Variants in CAMKMT observed in about 807,000 individuals in gnomAD.
The protein encoded by CAMKMT is CaM KMT.
Under a neutral mutation model 48.0 loss-of-function variants are expected in CAMKMT, and 53 were observed. The observed-to-expected ratio is 1.10, with a 90% CI of 0.89 to 1.39. The LOEUF (loss-of-function observed/expected upper bound fraction) is 1.39, where lower values mean the gene tolerates loss of function less well. Among genes scored for constraint, CAMKMT ranks in the 40% most tolerant of loss-of-function variants. The probability of loss-of-function intolerance (pLI) is 0.00; values close to 1 mark genes in which losing one functional copy is unlikely to be tolerated. For synonymous variants in CAMKMT, 165 were observed against 152.3 expected (o/e 1.08, Z -0.61); for missense variants, 428 against 402.7 (o/e 1.06, Z -0.54).
chr2:44,604,719 A>G (rs1271542968), intron 3 of CAMKMT, among the ~76,000 whole-genome samples: 1 of 152,050 alleles, frequency 6.6e-6, no homozygotes, highest in Non-Finnish European at 1.5e-5. Flanking sequence ...TTTCCACTCT[A>G]TGCTTAGAAG....
chr2:44,765,431 A>G (rs1257091109), intron 9 of CAMKMT, among the ~76,000 whole-genome samples: 3 of 152,150 alleles, frequency 2.0e-5, no homozygotes, highest in African/African-American at 7.2e-5. Flanking sequence ...AAACTCAGAT[A>G]TATTTTCATG....
Position 44,392,327 on chromosome 2 carries a change from G to T in CAMKMT, c.376+2022G>T, listed in dbSNP as rs529290105. Among the ~76,000 whole-genome samples, 566 of 152,034 alleles carry T rather than the reference G, an allele frequency of 3.7e-3. 2 individuals carry two copies. Among genetic ancestry groups the T allele is most frequent in the African/African-American group, 0.013 (539 of 41,512 alleles). ...ATATGTTGTTTTGTGTACCTTTTAT[G>T]TTTACTTTTTATTTTAACAGAAAAA... On this transcript the variant is annotated intron_variant, in intron 3 of 10. Coordinates refer to ENST00000378494, the MANE Select transcript of CAMKMT (RefSeq NM_024766.5).
chr2:44,454,149 C>T (rs1404680545), intron 3 of CAMKMT, among the ~76,000 whole-genome samples: 2 of 152,046 alleles, frequency 1.3e-5, no homozygotes, highest in Non-Finnish European at 2.9e-5. Flanking sequence ...ATATTTTTAA[C>T]TCATACTATG....
chr2:44,385,846 C>CT, intron 2 of CAMKMT, among the ~76,000 whole-genome samples: 1 of 152,054 alleles, frequency 6.6e-6, no homozygotes, highest in East Asian at 1.9e-4. Context: ...GGTGGATTAT[C>CT]TTTTTGATAT....
chr2:44,458,675 A>C (rs1040774906), intron 3 of CAMKMT, among the ~76,000 whole-genome samples: 1 of 152,210 alleles, frequency 6.6e-6, no homozygotes, highest in African/African-American at 2.4e-5. Context: ...TTAATCCAAC[A>C]ACCAGCTTTT....
intron 3 of CAMKMT, among the ~76,000 whole-genome samples, chr2:44,661,310 C>G (rs1479050944): frequency 2.2e-5 from 2 of 89,180 alleles, no homozygotes; most frequent in Admixed American, 1.5e-4. Context: ...TGTGAGCAGC[C>G]TTTTTTTTTT....
intron 3 of CAMKMT, among the ~76,000 whole-genome samples, chr2:44,401,318 G>T (rs1023679231): frequency 1.3e-5 from 2 of 152,146 alleles, no homozygotes; most frequent in Non-Finnish European, 2.9e-5. Flanking sequence ...AGCACTTTGG[G>T]AGGTGAGGCG....
intron 3 of CAMKMT, chr2:44,549,803 T>A: frequency 2.4e-6 from 1 of 415,604 alleles, no homozygotes; most frequent in Non-Finnish European, 4.2e-6. Context: ...AACAAAGACA[T>A]AGGGGGCTTC....
intron 3 of CAMKMT, among the ~76,000 whole-genome samples, chr2:44,629,015 A>C (rs911567096): frequency 2.6e-5 from 4 of 152,180 alleles, no homozygotes; most frequent in African/African-American, 9.7e-5. Context: ...TGTTTTGTAA[A>C]TATCAGTTAA....
At chr2:44,514,286 C>T (rs1670724896) in intron 3 of CAMKMT, among the ~76,000 whole-genome samples, 1 of 151,984 alleles carries the variant, frequency 6.6e-6, no homozygotes, top group Admixed American at 6.6e-5. Context: ...AATGTTTATG[C>T]CAGATGATGT....
At chr2:44,593,290 T>C (rs925277997) in intron 3 of CAMKMT, among the ~76,000 whole-genome samples, 2 of 152,134 alleles carry the variant, frequency 1.3e-5, no homozygotes, top group African/African-American at 4.8e-5. Flanking sequence ...CTATTTCCTT[T>C]AATCCTTTCT....
chr2:44,486,787 C>G (rs1669238643), intron 3 of CAMKMT, among the ~76,000 whole-genome samples: 1 of 152,168 alleles, frequency 6.6e-6, no homozygotes, highest in African/African-American at 2.4e-5. Context: ...TGGTGTACCC[C>G]CCAAGAAACC....
At chr2:44,630,781 A>G (rs1211006181) in intron 3 of CAMKMT, among the ~76,000 whole-genome samples, 3 of 151,102 alleles carry the variant, frequency 2.0e-5, no homozygotes, top group African/African-American at 2.4e-5. Context: ...AAATAGGAAC[A>G]CTTTTACACT....
At chr2:44,748,835 C>G (rs963732009) in intron 8 of CAMKMT, among the ~76,000 whole-genome samples, 1 of 152,068 alleles carries the variant, frequency 6.6e-6, no homozygotes, top group African/African-American at 2.4e-5. Flanking sequence ...CAAGATCGCT[C>G]AAGATATTAT....
At chr2:44,610,892 T>A (rs1016399938) in intron 3 of CAMKMT, among the ~76,000 whole-genome samples, 1 of 152,172 alleles carries the variant, frequency 6.6e-6, no homozygotes, top group Non-Finnish European at 1.5e-5. Context: ...AGAATCAAAC[T>A]TTCTAATCTC....
At chr2:44,535,172 A>G (rs1489454016) in intron 3 of CAMKMT, among the ~76,000 whole-genome samples, 4 of 152,222 alleles carry the variant, frequency 2.6e-5, no homozygotes, top group Non-Finnish European at 5.9e-5. Context: ...TCTGGGGCAT[A>G]CAACCTACCA....
chr2:44,721,727 T>C (rs1247284598), intron 7 of CAMKMT, among the ~76,000 whole-genome samples: 1 of 152,138 alleles, frequency 6.6e-6, no homozygotes, highest in East Asian at 1.9e-4. Flanking sequence ...CCCAGCACTT[T>C]GGGGTGCCGA....
At chr2:44,598,461 C>T (rs1456247069) in intron 3 of CAMKMT, among the ~76,000 whole-genome samples, 1 of 151,792 alleles carries the variant, frequency 6.6e-6, no homozygotes, top group African/African-American at 2.4e-5. Flanking sequence ...AAGATATATA[C>T]ACTGTGCATT....
At position 44,636,619 on chromosome 2, in the gene CAMKMT, C is replaced by G. The variant is rs575338709; in HGVS notation, c.377-67664C>G. Among the ~76,000 whole-genome samples the G allele has an allele frequency of 2.6e-5, 4 of 152,290 alleles. No individual in the cohort carries two copies. The South Asian group carries it at 8.3e-4, about 32-fold the overall frequency. On this transcript the variant is annotated intron_variant, in intron 3 of 10. Transcript: ENST00000378494. ...ATTTATATTACTTATTTCTGAACTT[C>G]CAACGGTTCTTTTATGGTTTTAAAA...
Sources: allele counts gnomAD v4.1 joint callset (sites outside exome capture counted in the v4.1 genomes callset), GRCh38; gene constraint gnomAD v4.1.1; transcripts MANE v1.5; gene names NCBI Gene and HGNC (gene_info 2026-07-23, HGNC 2026-07-21).